TRABD2B: variants seen among roughly 807,000 people sequenced by gnomAD.
TRABD2B encodes the protein metalloprotease TIKI2.
In TRABD2B, 14 loss-of-function variants were observed where a neutral mutation model predicts 40.1. That is an observed-to-expected ratio of 0.35 (90% CI 0.23 to 0.55). The LOEUF (loss-of-function observed/expected upper bound fraction) is 0.55, where lower values mean the gene tolerates loss of function less well. Among genes scored for constraint, TRABD2B ranks in the 20% least tolerant of loss-of-function variants. The pLI is 0.90. For synonymous variants in TRABD2B, 263 were observed against 277.0 expected (o/e 0.95, Z 0.50); for missense variants, 541 against 648.6 (o/e 0.83, Z 1.80).
intron 2 of TRABD2B, among the ~76,000 whole-genome samples, chr1:47,873,970 C>T (rs1347157929): frequency 6.6e-6 from 1 of 152,112 alleles, no homozygotes; most frequent in Non-Finnish European, 1.5e-5. Flanking sequence ...AAATGTGTGA[C>T]TGGAGAACTT....
intron 2 of TRABD2B, among the ~76,000 whole-genome samples, chr1:47,965,390 A>C (rs1645588205): frequency 1.5e-5 from 2 of 135,754 alleles, no homozygotes; most frequent in African/African-American, 5.2e-5. Flanking sequence ...CCTTCCCTGC[A>C]AAAAAAAAAA....
chr1:47,851,539 T>C (rs114490184), intron 2 of TRABD2B, among the ~76,000 whole-genome samples: 5,667 of 152,288 alleles, frequency 0.037, 146 homozygotes, highest in Non-Finnish European at 0.057. Context: ...GTAAGAAATT[T>C]AGATCTTCTT....
At chr1:47,872,739 G>A (rs1644162668) in intron 2 of TRABD2B, among the ~76,000 whole-genome samples, 1 of 152,160 alleles carries the variant, frequency 6.6e-6, no homozygotes, top group Non-Finnish European at 1.5e-5. Context: ...TGGCTCCCTG[G>A]AGGGATAGGG....
At chr1:47,952,911 C>T (rs1392666615) in intron 2 of TRABD2B, among the ~76,000 whole-genome samples, 1 of 152,184 alleles carries the variant, frequency 6.6e-6, no homozygotes, top group Non-Finnish European at 1.5e-5. Context: ...ACTATCAGCT[C>T]CCAGAGGAAG....
intron 2 of TRABD2B, among the ~76,000 whole-genome samples, chr1:47,852,566 C>G (rs1327024125): frequency 6.6e-6 from 1 of 152,220 alleles, no homozygotes; most frequent in Non-Finnish European, 1.5e-5. Context: ...GGCCAGAACT[C>G]TCCGGGAATG....
At chr1:47,964,843 C>G (rs1373124580) in intron 2 of TRABD2B, among the ~76,000 whole-genome samples, 1 of 151,892 alleles carries the variant, frequency 6.6e-6, no homozygotes, top group Non-Finnish European at 1.5e-5. Context: ...ATGTACCGGC[C>G]AGGCACTGCA....
At chr1:47,835,572 G>A (rs1413097791) in intron 2 of TRABD2B, among the ~76,000 whole-genome samples, 1 of 152,200 alleles carries the variant, frequency 6.6e-6, no homozygotes, top group Non-Finnish European at 1.5e-5. Context: ...AAGATTAATG[G>A]CTGATTTCTC....
intron 2 of TRABD2B, among the ~76,000 whole-genome samples, chr1:47,884,245 T>C (rs1270988810): frequency 6.6e-6 from 1 of 152,172 alleles, no homozygotes; most frequent in Non-Finnish European, 1.5e-5. Flanking sequence ...GACATGTGAA[T>C]GGAAATGGTG....
chr1:47,779,246 C>T (rs1194794817), intron 4 of TRABD2B, among the ~76,000 whole-genome samples: 2 of 89,384 alleles, frequency 2.2e-5, no homozygotes, highest in East Asian at 5.6e-3. Flanking sequence ...AAGATCCCAG[C>T]CGGGGTAACC....
In TRABD2B at chr1:47,765,669, T is replaced by C; in HGVS notation, c.*233A>G. ...GTAGAATAAATACATTTTTCTTTTT[T>C]AATATGGACACGTATTTTACAAAAG... On this transcript the variant is annotated 3_prime_UTR_variant, in exon 7 of 7. Transcript: ENST00000606738. 1 of 593,806 alleles carries C rather than the reference T, an allele frequency of 1.7e-6. No individual in the cohort carries two copies. Among genetic ancestry groups the C allele is most frequent in the Non-Finnish European group, 3.0e-6 (1 of 334,016 alleles). The allele number at this position is 593,806 out of a possible 1,614,324, so 36.8% of individuals were successfully genotyped here.
At chr1:47,858,781 C>A (rs1041600997) in intron 2 of TRABD2B, among the ~76,000 whole-genome samples, 3 of 152,170 alleles carry the variant, frequency 2.0e-5, no homozygotes, top group Non-Finnish European at 4.4e-5. Context: ...CAGAAGCCTG[C>A]CAGACAAGAA....
At chr1:47,805,789 AG>A (rs1476521339) in intron 2 of TRABD2B, among the ~76,000 whole-genome samples, 3 of 152,024 alleles carry the variant, frequency 2.0e-5, no homozygotes, top group Non-Finnish European at 4.4e-5. Flanking sequence ...AGCAACTCTG[AG>A]GTAACTCTAT....
chr1:47,881,505 T>C (rs1035468588), intron 2 of TRABD2B, among the ~76,000 whole-genome samples: 1 of 152,246 alleles, frequency 6.6e-6, no homozygotes, highest in African/African-American at 2.4e-5. Flanking sequence ...ATTGGTACTA[T>C]TGTTACCGCA....
At chr1:47,800,750 G>A (rs996006438) in intron 3 of TRABD2B, among the ~76,000 whole-genome samples, 1 of 152,196 alleles carries the variant, frequency 6.6e-6, no homozygotes, top group Non-Finnish European at 1.5e-5. Flanking sequence ...TTCTCAGGAG[G>A]TGACATATGA....
At chr1:47,837,183 G>A (rs2124471352) in intron 2 of TRABD2B, among the ~76,000 whole-genome samples, 1 of 152,300 alleles carries the variant, frequency 6.6e-6, no homozygotes, top group South Asian at 2.1e-4. Context: ...TTGCTGGTGG[G>A]ATCCAACCCT....
chr1:47,829,376 C>A (rs912547537), intron 2 of TRABD2B, among the ~76,000 whole-genome samples: 1 of 152,096 alleles, frequency 6.6e-6, no homozygotes, highest in African/African-American at 2.4e-5. Context: ...TTAGAAGCTG[C>A]AGCTTGAAGA....
chr1:47,978,657 G>A (rs1286562711), intron 2 of TRABD2B, among the ~76,000 whole-genome samples: 1 of 152,182 alleles, frequency 6.6e-6, no homozygotes, highest in African/African-American at 2.4e-5. Context: ...TCCCAGCGAT[G>A]ATGAGAGACC....
chr1:47,866,769 C>A (rs1644063959), intron 2 of TRABD2B, among the ~76,000 whole-genome samples: 1 of 152,116 alleles, frequency 6.6e-6, no homozygotes, highest in Non-Finnish European at 1.5e-5. Flanking sequence ...CCCCTTGGAC[C>A]CCTCTCCATC....
At chr1:47,862,551 T>C (rs1643989111) in intron 2 of TRABD2B, among the ~76,000 whole-genome samples, 1 of 151,964 alleles carries the variant, frequency 6.6e-6, no homozygotes, top group African/African-American at 2.4e-5. Flanking sequence ...GCACAAGATA[T>C]ATATGAGAAA....
Sources: gnomAD v4.1 joint callset for allele counts (sites outside exome capture counted in the v4.1 genomes callset) on GRCh38, gnomAD v4.1.1 for gene constraint, MANE v1.5 for transcripts, NCBI Gene and HGNC (gene_info 2026-07-23, HGNC 2026-07-21) for gene names.